WDR7: variants seen among roughly 807,000 people sequenced by gnomAD.
The protein encoded by WDR7 is WD repeat domain 7.
In WDR7, 46 loss-of-function variants were observed where a neutral mutation model predicts 169.4. The ratio of observed to expected loss-of-function variants is 0.27; its 90% CI spans 0.21 to 0.35. The LOEUF (loss-of-function observed/expected upper bound fraction) is 0.35, where lower values mean the gene tolerates loss of function less well. Ranked by LOEUF, WDR7 falls within the 10% of genes least tolerant of loss-of-function variation. WDR7 has a pLI of 1.00. For missense variants in WDR7, 1,534 were observed against 1,859.3 expected (o/e 0.83, Z 3.22); for synonymous variants, 612 against 666.8 (o/e 0.92, Z 1.27).
the WDR7 span, chr18:57,036,536 G>T: frequency 1.3e-5 from 2 of 152,380 alleles, no homozygotes; most frequent in African/African-American, 4.8e-5. Flanking sequence ...GCTCCCCCCT[G>T]CCTATGTATT....
chr18:56,716,930 G>T (rs8087046), intron 12 of WDR7, among the ~76,000 whole-genome samples: 5,211 of 152,168 alleles, frequency 0.034, 298 homozygotes, highest in African/African-American at 0.12. Flanking sequence ...TGTCCCATTT[G>T]GGAAAGATAT....
chr18:56,939,111 T>A (rs1374889475), intron 24 of WDR7, among the ~76,000 whole-genome samples, 200 bp from the exon 25 acceptor site: 1 of 152,174 alleles, frequency 6.6e-6, no homozygotes, highest in African/African-American at 2.4e-5. Context: ...TATTGCACTG[T>A]CCTTTAAATT....
At chr18:56,956,117 G>A (rs2047246840) in intron 25 of WDR7, among the ~76,000 whole-genome samples, 1 of 152,122 alleles carries the variant, frequency 6.6e-6, no homozygotes, top group Non-Finnish European at 1.5e-5. Flanking sequence ...CCTTGATTGG[G>A]AAGTAGTGAC....
At chr18:56,856,364 G>C (rs1217526773) in intron 20 of WDR7, among the ~76,000 whole-genome samples, 1 of 151,872 alleles carries the variant, frequency 6.6e-6, no homozygotes, top group Non-Finnish European at 1.5e-5. Context: ...TGAAACCCTG[G>C]CTCTACAAAA....
chr18:56,933,779 C>T (rs1198184441), intron 22 of WDR7, among the ~76,000 whole-genome samples: 2 of 152,214 alleles, frequency 1.3e-5, no homozygotes, highest in African/African-American at 2.4e-5. Context: ...CTTGTAAATA[C>T]CTGTATCAAC....
intron 12 of WDR7, among the ~76,000 whole-genome samples, chr18:56,697,559 C>CTAGG (rs1555678932): frequency 9.2e-5 from 2 of 21,622 alleles, no homozygotes; most frequent in African/African-American, 1.1e-4. Context: ...TGAAAAACTG[C>CTAGG]TATGTATTTA....
chr18:56,881,729 G>A (rs1035374705), intron 21 of WDR7, among the ~76,000 whole-genome samples: 1 of 152,098 alleles, frequency 6.6e-6, no homozygotes, highest in Non-Finnish European at 1.5e-5. Flanking sequence ...AGGATTACAG[G>A]TGTAGGCCAC....
intron 19 of WDR7, among the ~76,000 whole-genome samples, chr18:56,811,391 T>G (rs992270200): frequency 2.0e-5 from 3 of 152,200 alleles, no homozygotes; most frequent in African/African-American, 7.2e-5. Context: ...GTCCAGGTAC[T>G]AATTACTTGT....
intron 16 of WDR7, among the ~76,000 whole-genome samples, chr18:56,763,070 C>T (rs1003907396): frequency 6.6e-6 from 1 of 151,980 alleles, no homozygotes; most frequent in Non-Finnish European, 1.5e-5. Flanking sequence ...ATGCTATTCT[C>T]CTGCCTCAGC....
At chr18:56,861,273 C>T (rs2045801179) in intron 20 of WDR7, among the ~76,000 whole-genome samples, 1 of 152,200 alleles carries the variant, frequency 6.6e-6, no homozygotes, top group African/African-American at 2.4e-5. Flanking sequence ...CTTTCACAAC[C>T]TTCAACTTGA....
intron 19 of WDR7, among the ~76,000 whole-genome samples, chr18:56,785,819 T>C (rs1488669541): frequency 6.9e-6 from 1 of 145,298 alleles, no homozygotes; most frequent in Admixed American, 6.8e-5. Context: ...CAGGATTCTT[T>C]TTTTCTTTTT....
chr18:56,803,129 ATCTTAT>A (rs2044707158), intron 19 of WDR7, among the ~76,000 whole-genome samples: 1 of 152,212 alleles, frequency 6.6e-6, no homozygotes. Flanking sequence ...AGTTTCATCC[ATCTTAT>A]TCTTATCTAT....
intron 19 of WDR7, among the ~76,000 whole-genome samples, chr18:56,803,518 TGTATC>T (rs1425378256): frequency 2.6e-5 from 4 of 151,824 alleles, no homozygotes; most frequent in Non-Finnish European, 4.4e-5. Context: ...TTTATAAACA[TGTATC>T]GTAAGACGTC....
intron 18 of WDR7, among the ~76,000 whole-genome samples, chr18:56,780,336 A>G (rs1599037625): frequency 6.6e-6 from 1 of 152,190 alleles, no homozygotes; most frequent in South Asian, 2.1e-4. Flanking sequence ...TTAATTTTCC[A>G]AATATAAGTA....
intron 16 of WDR7, among the ~76,000 whole-genome samples, chr18:56,769,377 G>A (rs2044117794): frequency 6.6e-6 from 1 of 151,956 alleles, no homozygotes; most frequent in Non-Finnish European, 1.5e-5. Flanking sequence ...TTTTAAATTT[G>A]TTGTAGAAAT....
chr18:56,669,423 T>C (rs1275103736), intron 1 of WDR7, among the ~76,000 whole-genome samples: 2 of 152,130 alleles, frequency 1.3e-5, no homozygotes, highest in Non-Finnish European at 2.9e-5. Flanking sequence ...GAATTACTGA[T>C]ATTTGTTGGC....
chr18:56,681,120 G>A (rs901625009), intron 3 of WDR7, among the ~76,000 whole-genome samples, 193 bp from the exon 4 acceptor site: 6 of 152,138 alleles, frequency 3.9e-5, no homozygotes, highest in African/African-American at 1.4e-4. Flanking sequence ...ATGGTGGGGG[G>A]TGGGCAGTTT....
chr18:56,970,389 A>T (rs2047467240), intron 26 of WDR7, among the ~76,000 whole-genome samples: 1 of 152,072 alleles, frequency 6.6e-6, no homozygotes, highest in East Asian at 1.9e-4. Flanking sequence ...CCAGCACATT[A>T]ATCTGTTGTC....
At chr18:56,687,841 C>T (rs951226803) in intron 7 of WDR7, among the ~76,000 whole-genome samples, 5 of 152,096 alleles carry the variant, frequency 3.3e-5, no homozygotes, top group Non-Finnish European at 7.4e-5. Context: ...TTGCCCAGGC[C>T]GGTCTTGAAC....
Sources: gnomAD v4.1 joint callset for allele counts (sites outside exome capture counted in the v4.1 genomes callset) on GRCh38, gnomAD v4.1.1 for gene constraint, MANE v1.5 for transcripts, NCBI Gene and HGNC (gene_info 2026-07-23, HGNC 2026-07-21) for gene names.